The following LEKR1 variants were observed in gnomAD, a reference collection of about 807,000 sequenced individuals.
The protein encoded by LEKR1 is protein LEKR1.
A neutral mutation model predicts 72.4 loss-of-function variants in LEKR1; 59 were observed. The observed-to-expected ratio is 0.82, with a 90% CI of 0.66 to 1.01. The LOEUF (loss-of-function observed/expected upper bound fraction) is 1.01, where lower values mean the gene tolerates loss of function less well. Among genes scored for constraint, LEKR1 ranks in the 50% least tolerant of loss-of-function variants. The probability of loss-of-function intolerance (pLI) is 0.00; values close to 1 mark genes in which losing one functional copy is unlikely to be tolerated. For synonymous variants in LEKR1, 257 were observed against 263.2 expected, an observed-to-expected ratio of 0.98 and a Z score of 0.23; for missense variants, 728 against 759.2, an observed-to-expected ratio of 0.96 and a Z score of 0.48.
chr3:156,973,271 T>A (rs911815664), intron 6 of LEKR1, among the ~76,000 whole-genome samples: 1 of 152,124 alleles, frequency 6.6e-6, no homozygotes, highest in Non-Finnish European at 1.5e-5. Flanking sequence ...TTCTAGTAAG[T>A]TTACATTGAA....
Position 156,987,442 on chromosome 3 carries a change from G to A in LEKR1, c.828-5211G>A, listed in dbSNP as rs116046462. ...TGTTCCTGCTTCTAGATTTGGGAAA[G>A]TGTACATAACAGTCTGAACATACAG... On this transcript the variant is annotated intron_variant, in intron 7 of 12. Transcript: ENST00000356539. Among the ~76,000 whole-genome samples the A allele has an allele frequency of 4.3e-3, 660 of 152,318 alleles. 2 individuals are homozygous for A. The highest frequency in any genetic ancestry group is 0.015 in the African/African-American group (636 of 41,566).
At position 157,011,395 on chromosome 3, in the gene LEKR1, C is replaced by T. The variant is rs372535190; in HGVS notation, c.1110-18C>T. ...TAGGGGTAAGTATTGACTCATTTGTCGGGTTTGTGATTTTCAGGGAATTGA... is the reference window on the plus strand; with the variant it reads ...TAGGGGTAAGTATTGACTCATTTGTTGGGTTTGTGATTTTCAGGGAATTGA... On this transcript the variant is annotated intron_variant, in intron 9 of 12. Transcript: ENST00000356539. 1.2e-4 allele frequency: 193 copies of T among 1,575,604 alleles called. No individual in the cohort carries two copies. Among genetic ancestry groups the T allele is most frequent in the Non-Finnish European group, 1.6e-4 (179 of 1,145,440 alleles).
At chr3:156,972,123 A>C (rs187072983) in intron 6 of LEKR1, among the ~76,000 whole-genome samples, 1 of 152,238 alleles carries the variant, frequency 6.6e-6, no homozygotes, top group Non-Finnish European at 1.5e-5. Context: ...TGGATTAAGA[A>C]AATATGGCAC....
intron 6 of LEKR1, among the ~76,000 whole-genome samples, chr3:156,958,755 C>A (rs1244832538): frequency 1.3e-5 from 2 of 152,140 alleles, no homozygotes; most frequent in Non-Finnish European, 2.9e-5. Flanking sequence ...TCCTTCAACT[C>A]TTCATGGGTC....
At chr3:156,880,108 A>C (rs1295366765) in intron 3 of LEKR1, among the ~76,000 whole-genome samples, 1 of 152,222 alleles carries the variant, frequency 6.6e-6, no homozygotes, top group Non-Finnish European at 1.5e-5. Context: ...CCAGAATTTT[A>C]GATCTGACAG....
At chr3:156,970,914 C>A (rs1346620476) in intron 6 of LEKR1, among the ~76,000 whole-genome samples, 1 of 151,810 alleles carries the variant, frequency 6.6e-6, no homozygotes, top group Non-Finnish European at 1.5e-5. Flanking sequence ...GCCATACTGC[C>A]CAAGGTAATC....
chr3:156,900,120 C>T (rs2076687119), intron 3 of LEKR1, among the ~76,000 whole-genome samples: 1 of 151,970 alleles, frequency 6.6e-6, no homozygotes, highest in Admixed American at 6.6e-5. Context: ...GGGAACTATA[C>T]TAAACCAAAA....
intron 3 of LEKR1, among the ~76,000 whole-genome samples, chr3:156,879,980 T>C (rs1261004773): frequency 1.3e-5 from 2 of 152,178 alleles, no homozygotes; most frequent in African/African-American, 4.8e-5. Flanking sequence ...TGGGCCCTCA[T>C]GGAGAACCTC....
rs866511707 is a variant in LEKR1, at chr3:156,979,474, A to G, written c.827+199A>G. On this transcript the variant is annotated intron_variant, in intron 7 of 12. Coordinates refer to ENST00000356539, the MANE Select transcript of LEKR1 (RefSeq NM_001004316.3). ...TTTACTGGCCTAGATTATATATTGAAGAACCTGTAAATATTTTTAAATACA... is the reference window on the plus strand; with the variant it reads ...TTTACTGGCCTAGATTATATATTGAGGAACCTGTAAATATTTTTAAATACA... 182 of 226,548 alleles carry G rather than the reference A, an allele frequency of 8.0e-4. 2 individuals are homozygous for G. Among genetic ancestry groups the G allele is most frequent in the African/African-American group, 4.1e-3 (179 of 43,638 alleles). 14.0% of individuals were successfully genotyped at this position (226,548 alleles called of 1,614,324 possible). A position where few individuals can be genotyped will look rare whatever the true frequency, so the allele number is the denominator to read the frequency against.
chr3:156,896,128 G>T (rs544065769), intron 3 of LEKR1, among the ~76,000 whole-genome samples: 1 of 152,230 alleles, frequency 6.6e-6, no homozygotes, highest in East Asian at 1.9e-4. Flanking sequence ...AGCACCACGT[G>T]TTCTCACTTA....
chr3:156,978,017 A>G (rs1006900380), intron 6 of LEKR1, among the ~76,000 whole-genome samples: 1 of 152,178 alleles, frequency 6.6e-6, no homozygotes, highest in Non-Finnish European at 1.5e-5. Flanking sequence ...TCTCCTTACC[A>G]TGGGTGACCT....
At chr3:156,951,145 A>G (rs757864487) in intron 6 of LEKR1, among the ~76,000 whole-genome samples, 4 of 151,542 alleles carry the variant, frequency 2.6e-5, no homozygotes, top group Admixed American at 6.6e-5. Context: ...CTTTAGTTCT[A>G]TTTATGTGAT....
At chr3:156,990,781 T>G (rs1002495621) in intron 7 of LEKR1, among the ~76,000 whole-genome samples, 16 of 152,222 alleles carry the variant, frequency 1.1e-4, no homozygotes, top group Non-Finnish European at 1.8e-4. Flanking sequence ...GTAAACACTT[T>G]CTTACTTTCT....
intron 2 of LEKR1, among the ~76,000 whole-genome samples, chr3:156,842,333 A>G (rs1714031952): frequency 6.6e-6 from 1 of 151,958 alleles, no homozygotes; most frequent in Admixed American, 6.6e-5. Flanking sequence ...GTGTGCAGTG[A>G]CAGGTCTTTC....
chr3:157,040,217 A>C (rs1182644486), intron 12 of LEKR1, among the ~76,000 whole-genome samples: 1 of 152,194 alleles, frequency 6.6e-6, no homozygotes, highest in Non-Finnish European at 1.5e-5. Flanking sequence ...GTGCTAATTA[A>C]ATCTAAATTA....
chr3:156,859,383 T>A (rs2108541265), intron 3 of LEKR1, among the ~76,000 whole-genome samples: 1 of 152,312 alleles, frequency 6.6e-6, no homozygotes, highest in African/African-American at 2.4e-5. Context: ...ATTAAAAAAA[T>A]TATAGTTTGT....
At chr3:156,863,008 G>A (rs1431999549) in intron 3 of LEKR1, among the ~76,000 whole-genome samples, 1 of 152,032 alleles carries the variant, frequency 6.6e-6, no homozygotes, top group Non-Finnish European at 1.5e-5. Flanking sequence ...TGAATATGTC[G>A]ACCTCAAGGG....
chr3:156,956,949 A>G (rs1263670655), intron 6 of LEKR1, among the ~76,000 whole-genome samples: 1 of 152,036 alleles, frequency 6.6e-6, no homozygotes, highest in African/African-American at 2.4e-5. Flanking sequence ...ATAAAATTCT[A>G]CTTTTTAAAT....
intron 3 of LEKR1, among the ~76,000 whole-genome samples, chr3:156,892,188 G>A (rs577075402): frequency 2.0e-5 from 3 of 152,208 alleles, no homozygotes; most frequent in South Asian, 2.1e-4. Context: ...GTCTCTAAGC[G>A]GGGGAATCAT....
Sources: allele counts gnomAD v4.1 joint callset (sites outside exome capture counted in the v4.1 genomes callset), GRCh38; gene constraint gnomAD v4.1.1; transcripts MANE v1.5; gene names NCBI Gene and HGNC (gene_info 2026-07-23, HGNC 2026-07-21).